Variants in DGKI observed in about 807,000 individuals in gnomAD.
DGKI encodes the protein diacylglycerol kinase iota.
In DGKI, 55 loss-of-function variants were observed where a neutral mutation model predicts 147.5. The ratio of observed to expected loss-of-function variants is 0.37; its 90% CI spans 0.30 to 0.47. The LOEUF (loss-of-function observed/expected upper bound fraction) is 0.47. Among genes scored for constraint, DGKI ranks in the 20% least tolerant of loss-of-function variants. DGKI has a pLI of 1.00. For missense variants in DGKI, 1,007 were observed against 1,323.8 expected, an observed-to-expected ratio of 0.76 and a Z score of 3.71; for synonymous variants, 469 against 477.1, an observed-to-expected ratio of 0.98 and a Z score of 0.22.
At chr7:137,662,286 G>A (rs191357985) in intron 3 of DGKI, among the ~76,000 whole-genome samples, 148 of 145,100 alleles carry the variant, frequency 1.0e-3, no homozygotes, top group Admixed American at 4.3e-3. Flanking sequence ...TTTGTTGCCC[G>A]GGGTTGGAGT....
At chr7:137,468,453 G>A (rs1394282263) in intron 24 of DGKI, among the ~76,000 whole-genome samples, 3 of 152,060 alleles carry the variant, frequency 2.0e-5, no homozygotes, top group Non-Finnish European at 1.5e-5. Flanking sequence ...GCAAATTCAG[G>A]AATGACAAAT....
At chr7:137,468,280 T>C (rs1814740295) in intron 24 of DGKI, among the ~76,000 whole-genome samples, 1 of 151,986 alleles carries the variant, frequency 6.6e-6, no homozygotes, top group Non-Finnish European at 1.5e-5. Flanking sequence ...AAACCATGAC[T>C]GCAATTACCT....
In DGKI at chr7:137,387,078, C is replaced by T. The variant is rs1562987348; in HGVS notation, c.*4142G>A. ...AAGGAAGACAAGCTGCTCAGACCCC[C>T]ATACTACACTGAAGTTACACCTTCC... On this transcript the variant is annotated 3_prime_UTR_variant, in exon 33 of 33. Transcript: ENST00000614521. 1 of 152,208 alleles carries T rather than the reference C, an allele frequency of 6.6e-6. No individual in the cohort carries two copies. The highest frequency in any genetic ancestry group is 1.9e-4 in the East Asian group (1 of 5,186). The allele number at this position is 152,208 out of a possible 1,614,324, so 9.4% of individuals were successfully genotyped here. A position where few individuals can be genotyped will look rare whatever the true frequency, so the allele number is the denominator to read the frequency against.
intron 22 of DGKI, among the ~76,000 whole-genome samples, chr7:137,486,628 G>A (rs909946144): frequency 6.6e-6 from 1 of 152,022 alleles, no homozygotes; most frequent in East Asian, 1.9e-4. Context: ...TTCAATATTT[G>A]TCATCTATTT....
At chr7:137,421,106 C>T (rs2128905999) in intron 28 of DGKI, among the ~76,000 whole-genome samples, 1 of 152,230 alleles carries the variant, frequency 6.6e-6, no homozygotes, top group Non-Finnish European at 1.5e-5. Context: ...CCTTCAAACA[C>T]TCACTGAATT....
intron 20 of DGKI, among the ~76,000 whole-genome samples, chr7:137,535,486 G>A (rs1208801281): frequency 6.6e-6 from 1 of 150,474 alleles, no homozygotes; most frequent in African/African-American, 2.5e-5. Context: ...CCTTTTCCCT[G>A]CCAAACATAC....
intron 10 of DGKI, among the ~76,000 whole-genome samples, chr7:137,605,543 A>G (rs1460631584): frequency 6.6e-6 from 1 of 152,092 alleles, no homozygotes; most frequent in Non-Finnish European, 1.5e-5. Context: ...TTAAAAGAAG[A>G]GATTTAACAA....
At chr7:137,397,586 CA>C (rs111881887) in intron 30 of DGKI, among the ~76,000 whole-genome samples, 173 bp from the exon 31 acceptor site, 1 of 152,178 alleles carries the variant, frequency 6.6e-6, no homozygotes, top group African/African-American at 2.4e-5. Flanking sequence ...ACCAAACTCC[CA>C]ATCTCCATGA....
At chr7:137,717,020 C>G in intron 1 of DGKI, among the ~76,000 whole-genome samples, 1 of 152,184 alleles carries the variant, frequency 6.6e-6, no homozygotes, top group Middle Eastern at 3.2e-3. Context: ...TCATCCTATT[C>G]TACTTGTACT....
intron 1 of DGKI, among the ~76,000 whole-genome samples, chr7:137,733,565 T>A (rs1017913724): frequency 6.6e-6 from 1 of 152,118 alleles, no homozygotes; most frequent in Non-Finnish European, 1.5e-5. Flanking sequence ...CTTCTTTGCA[T>A]AACTATTGCG....
intron 1 of DGKI, among the ~76,000 whole-genome samples, chr7:137,802,459 G>T (rs374794045): frequency 1.8e-4 from 27 of 152,214 alleles, no homozygotes; most frequent in African/African-American, 6.5e-4. Context: ...ACTTATTGCT[G>T]ACTTTCTTTG....
intron 23 of DGKI, among the ~76,000 whole-genome samples, chr7:137,484,167 CACAAAGGCCA>C (rs1450455708): frequency 2.1e-4 from 32 of 151,988 alleles, no homozygotes; most frequent in African/African-American, 7.2e-4. Context: ...CAAATAAGAA[CACAAAGGCCA>C]TTCCTGTCAT....
In DGKI at chr7:137,466,011, T is replaced by C; in HGVS notation, c.2509A>G (p.Ile837Val). ...SQEHLHFVMEISQDEIFILDP... is the reference protein window; with the variant it reads ...SQEHLHFVMEVSQDEIFILDP... ...AGAATAAAAATCTCATCTTGGGAAA[T>C]CTCCATCACAAAGTGCAAATGTTCC... Residue 837 changes from isoleucine to valine, a missense_variant, in exon 26 of 33, where the codon ATT (isoleucine) becomes GTT (valine). By Grantham distance (29) the Ile-to-Val change is conservative. Transcript: ENST00000614521. 1 of 1,613,936 alleles carries C rather than the reference T, an allele frequency of 6.2e-7. No individual in the cohort carries two copies. The highest frequency in any genetic ancestry group is 8.5e-7 in the Non-Finnish European group (1 of 1,179,894).
intron 28 of DGKI, among the ~76,000 whole-genome samples, chr7:137,438,176 G>A (rs1554404037): frequency 6.6e-6 from 1 of 151,888 alleles, no homozygotes; most frequent in Non-Finnish European, 1.5e-5. Flanking sequence ...ACACACATAG[G>A]AAACAAAATA....
At chr7:137,461,192 C>T (rs1183233380) in intron 27 of DGKI, among the ~76,000 whole-genome samples, 4 of 152,152 alleles carry the variant, frequency 2.6e-5, no homozygotes, top group Non-Finnish European at 4.4e-5. Flanking sequence ...TAGTGTAGGA[C>T]AATGGAAAAA....
At chr7:137,835,099 C>T (rs1045527216) in intron 1 of DGKI, among the ~76,000 whole-genome samples, 1 of 152,148 alleles carries the variant, frequency 6.6e-6, no homozygotes, top group East Asian at 1.9e-4. Context: ...ACCATCCAAC[C>T]CCTTGGCTGC....
chr7:137,806,068 C>G (rs191165396), intron 1 of DGKI, among the ~76,000 whole-genome samples: 15 of 152,316 alleles, frequency 9.8e-5, no homozygotes, highest in Non-Finnish European at 1.9e-4. Flanking sequence ...GGAGCAAAAA[C>G]AACTCTTCAA....
intron 20 of DGKI, among the ~76,000 whole-genome samples, chr7:137,535,251 A>G (rs1817477730): frequency 6.6e-6 from 1 of 152,100 alleles, no homozygotes; most frequent in Admixed American, 6.6e-5. Flanking sequence ...AATGAGAGAA[A>G]TCTAATTTTT....
intron 1 of DGKI, among the ~76,000 whole-genome samples, chr7:137,827,836 A>G (rs530877993): frequency 7.9e-5 from 12 of 152,244 alleles, no homozygotes; most frequent in Non-Finnish European, 1.5e-4. Context: ...AAGCAAATGG[A>G]CTGTGTTCTA....
Sources: gnomAD v4.1 joint callset for allele counts (sites outside exome capture counted in the v4.1 genomes callset) on GRCh38, gnomAD v4.1.1 for gene constraint, MANE v1.5 for transcripts, NCBI Gene and HGNC (gene_info 2026-07-23, HGNC 2026-07-21) for gene names.